The following DCC variants were observed in gnomAD, a reference collection of about 807,000 sequenced individuals.
DCC encodes the protein DCC netrin 1 receptor.
A neutral mutation model predicts 172.5 loss-of-function variants in DCC; 58 were observed. That is an observed-to-expected ratio of 0.34 (90% CI 0.27 to 0.42). DCC has a LOEUF of 0.42. DCC is among the 10% of genes least tolerant of loss of function. The pLI, the probability that DCC is intolerant of heterozygous loss-of-function variation, is 1.00. For synonymous variants in DCC, 709 were observed against 644.5 expected, an observed-to-expected ratio of 1.10 and a Z score of -1.52; for missense variants, 1,740 against 1,791.0, an observed-to-expected ratio of 0.97 and a Z score of 0.51.
intron 20 of DCC, among the ~76,000 whole-genome samples, chr18:53,411,419 GTGT>G (rs1283661458): frequency 3.3e-5 from 5 of 152,116 alleles, no homozygotes. Context: ...GGCATGATAT[GTGT>G]TGTTCTAAAG....
At chr18:52,808,808 TG>T (rs912785938) in intron 2 of DCC, among the ~76,000 whole-genome samples, 2 of 152,204 alleles carry the variant, frequency 1.3e-5, no homozygotes, top group African/African-American at 4.8e-5. Flanking sequence ...TTCTTTTGAT[TG>T]TCAGTTTTCT....
intron 2 of DCC, among the ~76,000 whole-genome samples, chr18:52,896,907 A>C (rs962468522): frequency 3.9e-5 from 6 of 152,156 alleles, no homozygotes; most frequent in Non-Finnish European, 8.8e-5. Flanking sequence ...TGCCTTTATA[A>C]AATTCATTCC....
At chr18:53,333,033 G>A (rs1160636965) in intron 14 of DCC, among the ~76,000 whole-genome samples, 1 of 150,406 alleles carries the variant, frequency 6.6e-6, no homozygotes, top group African/African-American at 2.5e-5. Flanking sequence ...TTGCGCTACT[G>A]CGCTCCAGCC....
chr18:52,844,283 G>A (rs2145324818), intron 2 of DCC, among the ~76,000 whole-genome samples: 1 of 150,064 alleles, frequency 6.7e-6, no homozygotes, highest in Admixed American at 6.7e-5. Context: ...CTGTTAAGAA[G>A]GATGATTGAT....
At chr18:52,395,516 G>A (rs1180945952) in intron 1 of DCC, among the ~76,000 whole-genome samples, 4 of 151,998 alleles carry the variant, frequency 2.6e-5, no homozygotes, top group Non-Finnish European at 5.9e-5. Flanking sequence ...TCCCTTCAGG[G>A]AAACCAAAGA....
chr18:53,504,910 G>T lies in DCC; in HGVS notation c.4111+5400G>T, dbSNP rs562961267. On this transcript the variant is annotated intron_variant, in intron 27 of 28. Transcript: ENST00000442544. ...CCAAATGTAAAGAATTTGGAGAAAT[G>T]TTTTTTTGTTTGTTTGTTTGTTTTT... is the stretch of plus-strand genomic sequence containing the variant. Among the ~76,000 whole-genome samples the T allele has an allele frequency of 1.4e-4, 21 of 152,144 alleles. No individual in the cohort carries two copies. In the South Asian group the frequency reaches 4.4e-3, roughly 32 times the overall value.
intron 14 of DCC, among the ~76,000 whole-genome samples, chr18:53,323,712 T>C (rs1357459715): frequency 6.6e-6 from 1 of 152,104 alleles, no homozygotes; most frequent in Admixed American, 6.6e-5. Flanking sequence ...GATAGATGGA[T>C]GGATGGATAG....
intron 25 of DCC, among the ~76,000 whole-genome samples, chr18:53,485,001 A>C (rs375858075): frequency 3.9e-5 from 6 of 152,158 alleles, no homozygotes; most frequent in African/African-American, 1.4e-4. Context: ...GGGGAGAGGA[A>C]ATGGGGAGAT....
At chr18:52,766,672 C>T (rs1265437648) in intron 2 of DCC, among the ~76,000 whole-genome samples, 2 of 152,016 alleles carry the variant, frequency 1.3e-5, no homozygotes, top group East Asian at 1.9e-4. Context: ...TCTCTCCAAT[C>T]ATCCGGCTGC....
chr18:53,139,277 G>A (rs1237822699), intron 7 of DCC, among the ~76,000 whole-genome samples: 1 of 152,166 alleles, frequency 6.6e-6, no homozygotes, highest in African/African-American at 2.4e-5. Flanking sequence ...GCAGCAGAAT[G>A]TGCTATTTAT....
chr18:53,156,230 T>A (rs547925160), intron 7 of DCC, among the ~76,000 whole-genome samples: 1 of 152,208 alleles, frequency 6.6e-6, no homozygotes, highest in African/African-American at 2.4e-5. Flanking sequence ...CATGCCTGTA[T>A]CTCCAGGACT....
rs867690847 is a variant in DCC at position 53,460,279 on chromosome 18, T to G, written c.3619+821T>G. On this transcript the variant is annotated intron_variant, in intron 24 of 28. Transcript: ENST00000442544. ...TTATAGAATGAGGAGCTCCTGTTTT[T>G]TTTTTTTTTTTTTTTTTTTTTTTTA... Among the ~76,000 whole-genome samples the G allele has an allele frequency of 3.1e-3, 301 of 95,858 alleles. 3 individuals are homozygous for G. Among genetic ancestry groups the G allele is most frequent in the African/African-American group, 0.014 (286 of 20,048 alleles). The allele number at this position is 95,858 out of a possible 152,430, so 62.9% of individuals were successfully genotyped here. A position where few individuals can be genotyped will look rare whatever the true frequency, so the allele number is the denominator to read the frequency against.
chr18:52,487,164 G>T (rs887507590), intron 1 of DCC, among the ~76,000 whole-genome samples: 8 of 152,090 alleles, frequency 5.3e-5, no homozygotes, highest in Admixed American at 5.2e-4. Flanking sequence ...CTTATCTCTG[G>T]ATTTTGCAAA....
intron 1 of DCC, among the ~76,000 whole-genome samples, chr18:52,724,015 A>T (rs1481649248): frequency 6.6e-6 from 1 of 152,222 alleles, no homozygotes; most frequent in Non-Finnish European, 1.5e-5. Flanking sequence ...ACAGATGAGT[A>T]TCCTGAGAAG....
chr18:53,186,034 G>A (rs1487578795), intron 9 of DCC, among the ~76,000 whole-genome samples: 2 of 152,130 alleles, frequency 1.3e-5, no homozygotes, highest in East Asian at 3.8e-4. Flanking sequence ...TAGTTGCTTG[G>A]GTTGAACAGT....
intron 5 of DCC, among the ~76,000 whole-genome samples, chr18:53,039,518 T>C (rs2042140749): frequency 6.6e-6 from 1 of 152,002 alleles, no homozygotes; most frequent in African/African-American, 2.4e-5. Flanking sequence ...TACTGCATAT[T>C]TGTGATTATT....
At chr18:52,402,127 A>C (rs1986463369) in intron 1 of DCC, among the ~76,000 whole-genome samples, 2 of 152,006 alleles carry the variant, frequency 1.3e-5, no homozygotes, top group African/African-American at 4.8e-5. Context: ...GTTATACTTT[A>C]GAAATCCTTT....
intron 1 of DCC, among the ~76,000 whole-genome samples, chr18:52,437,187 G>A (rs3910152): frequency 0.33 from 49,902 of 151,998 alleles, 11,200 homozygotes; most frequent in African/African-American, 0.64. Flanking sequence ...TCATTAAGAT[G>A]GCAAATTGCC....
chr18:53,300,379 TTTTTGAGGTCCA>T (rs2057118226), intron 12 of DCC, among the ~76,000 whole-genome samples: 1 of 152,158 alleles, frequency 6.6e-6, no homozygotes, highest in African/African-American at 2.4e-5. Flanking sequence ...ACAAGCACCC[TTTTTGAGGTCCA>T]TTTGGTGCCA....
Sources: gnomAD v4.1 joint callset for allele counts (sites outside exome capture counted in the v4.1 genomes callset) on GRCh38, gnomAD v4.1.1 for gene constraint, MANE v1.5 for transcripts, NCBI Gene and HGNC (gene_info 2026-07-23, HGNC 2026-07-21) for gene names.